The following CELF1 variants were observed in gnomAD, a reference collection of about 807,000 sequenced individuals.
The protein encoded by CELF1 is CUGBP Elav-like family member 1, also known as 50 kDa nuclear polyadenylated RNA-binding protein.
Under a neutral mutation model 61.8 loss-of-function variants are expected in CELF1, and 10 were observed. That is an observed-to-expected ratio of 0.16 (90% CI 0.10 to 0.27). CELF1 has a LOEUF of 0.27. Among genes scored for constraint, CELF1 ranks in the 10% least tolerant of loss-of-function variants. CELF1 has a pLI of 1.00. For synonymous variants in CELF1, 236 were observed against 225.1 expected (o/e 1.05, Z -0.43); for missense variants, 380 against 639.1 (o/e 0.59, Z 4.37).
chr11:47,497,714 T>A (rs978122875), intron 3 of CELF1, among the ~76,000 whole-genome samples: 2 of 152,320 alleles, frequency 1.3e-5, no homozygotes, highest in Middle Eastern at 3.4e-3. Context: ...CAAAAAAACA[T>A]GCTGGACACT....
intron 1 of CELF1, among the ~76,000 whole-genome samples, chr11:47,535,581 G>A (rs139914251): frequency 0.041 from 6,126 of 151,176 alleles, 406 homozygotes; most frequent in African/African-American, 0.14. Flanking sequence ...AGGAGGCTGA[G>A]GCAGGAGAAT....
chr11:47,533,530 G>A (rs1454984781), intron 1 of CELF1, among the ~76,000 whole-genome samples: 1 of 152,172 alleles, frequency 6.6e-6, no homozygotes, highest in Non-Finnish European at 1.5e-5. Flanking sequence ...GCTGAGGCAG[G>A]AGAACTGCTT....
At chr11:47,547,820 T>C (rs112235068) in intron 1 of CELF1, among the ~76,000 whole-genome samples, 3 of 151,630 alleles carry the variant, frequency 2.0e-5, no homozygotes, top group East Asian at 3.9e-4. Context: ...ATATCTAGAA[T>C]AAGAAAATTC....
At chr11:47,532,894 T>C (rs1470948573) in intron 1 of CELF1, among the ~76,000 whole-genome samples, 1 of 152,204 alleles carries the variant, frequency 6.6e-6, no homozygotes, top group Non-Finnish European at 1.5e-5. Context: ...TTCTTTTCTA[T>C]TTCTGGCTCA....
At chr11:47,528,577 C>T (rs2096346380) in intron 1 of CELF1, among the ~76,000 whole-genome samples, 1 of 151,872 alleles carries the variant, frequency 6.6e-6, no homozygotes, top group South Asian at 2.1e-4. Context: ...TATGATTGTG[C>T]CACTGCACTC....
chr11:47,558,510 AAAT>A (rs201565536), intron 2 of CELF1, among the ~76,000 whole-genome samples: 2,010 of 124,810 alleles, frequency 0.016, 20 homozygotes, highest in Non-Finnish European at 0.024. Flanking sequence ...TATATTATAT[AAAT>A]AATATATGTA....
Position 47,466,095 on chromosome 11 carries a change from T to G in CELF1, c.*6135A>C, listed in dbSNP as rs1193882344. 6.6e-6 allele frequency: 1 copy of G among 152,236 alleles called. No homozygotes were observed. Among genetic ancestry groups the G allele is most frequent in the African/African-American group, 2.4e-5 (1 of 41,460 alleles). The allele number at this position is 152,236 out of a possible 1,614,324, so 9.4% of individuals were successfully genotyped here. A position where few individuals can be genotyped will look rare whatever the true frequency, so the allele number is the denominator to read the frequency against. ...CACAAAAAAAGGAAGGAGATTCCTTTGAAACACATACTCCCTTGCTCCAAA... is the reference window on the plus strand; with the variant it reads ...CACAAAAAAAGGAAGGAGATTCCTTGGAAACACATACTCCCTTGCTCCAAA... On this transcript the variant is annotated 3_prime_UTR_variant, in exon 15 of 15. Transcript: ENST00000687097.
chr11:47,535,146 T>C (rs1292750172), intron 1 of CELF1, among the ~76,000 whole-genome samples: 1 of 152,156 alleles, frequency 6.6e-6, no homozygotes, highest in African/African-American at 2.4e-5. Context: ...TCAGCTACCC[T>C]ACGCCTGATC....
rs111309612 is a variant in CELF1 at position 47,526,792 on chromosome 11, G to A, written c.-153-25860C>T. Among the ~76,000 whole-genome samples the A allele has an allele frequency of 2.2e-4, 34 of 152,272 alleles. 1 individual carries two copies. The highest frequency in any genetic ancestry group is 7.0e-4 in the African/African-American group (29 of 41,564). ...CAGTCATCAAAAGGAGTTCCAGGCC[G>A]GGCAGTGGTGGCTCGTGCCTGCAAT... is the stretch of plus-strand genomic sequence containing the variant. On this transcript the variant is annotated intron_variant, in intron 1 of 14. Coordinates refer to ENST00000687097, the MANE Select transcript of CELF1 (RefSeq NM_001376376.1).
chr11:47,561,137 C>CAAA (rs34223231), intron 2 of CELF1, among the ~76,000 whole-genome samples: 18 of 105,972 alleles, frequency 1.7e-4, no homozygotes, highest in Admixed American at 4.3e-4. Flanking sequence ...GACTCTGTCT[C>CAAA]AAAAAAAAAA....
At chr11:47,525,028 T>G (rs1402115587) in intron 1 of CELF1, among the ~76,000 whole-genome samples, 1 of 152,194 alleles carries the variant, frequency 6.6e-6, no homozygotes, top group Non-Finnish European at 1.5e-5. Context: ...TAGGTCAGAT[T>G]CTTCCCAGAT....
intron 3 of CELF1, among the ~76,000 whole-genome samples, chr11:47,494,858 T>C (rs1019081615): frequency 1.3e-5 from 2 of 152,266 alleles, no homozygotes; most frequent in Non-Finnish European, 2.9e-5. Context: ...AGTTCTTCAG[T>C]TGCACTTGCC....
At chr11:47,530,921 C>T (rs2096451322) in intron 1 of CELF1, among the ~76,000 whole-genome samples, 1 of 152,040 alleles carries the variant, frequency 6.6e-6, no homozygotes, top group Non-Finnish European at 1.5e-5. Context: ...TGCCATTGCA[C>T]TCCAAGCCTG....
chr11:47,561,437 C>T (rs1434330699), intron 2 of CELF1, among the ~76,000 whole-genome samples: 1 of 84,164 alleles, frequency 1.2e-5, no homozygotes, highest in Non-Finnish European at 2.2e-5. Context: ...AACGAGACTC[C>T]GTCTCAAAAA....
chr11:47,559,312 G>A (rs186489775), intron 2 of CELF1, among the ~76,000 whole-genome samples: 5 of 150,120 alleles, frequency 3.3e-5, no homozygotes, highest in East Asian at 3.9e-4. Context: ...TGATCTGCCC[G>A]CCTCAGGCTT....
intron 1 of CELF1, 47 bp downstream of exon 1, chr11:47,552,945 C>T (rs1159362486): frequency 2.0e-5 from 8 of 396,708 alleles, no homozygotes; most frequent in African/African-American, 1.0e-4. Flanking sequence ...GCCTTTTTTC[C>T]CCTCCCTCCC....
chr11:47,555,862 TG>T (rs1230640696), upstream of CELF1, among the ~76,000 whole-genome samples: 2 of 152,008 alleles, frequency 1.3e-5, no homozygotes, highest in East Asian at 3.9e-4. Flanking sequence ...TAGCCAGGCA[TG>T]ATGGCGGGTG....
At chr11:47,557,385 A>AT (rs2097208677), upstream of CELF1, 1 of 147,028 alleles carries the variant, frequency 6.8e-6, no homozygotes, top group Non-Finnish European at 1.5e-5. Context: ...CATCCGGCTA[A>AT]TTTTTTGTAT....
chr11:47,480,794 G>C (rs144067698), intron 9 of CELF1, among the ~76,000 whole-genome samples: 1 of 152,256 alleles, frequency 6.6e-6, no homozygotes, highest in Non-Finnish European at 1.5e-5. Flanking sequence ...CAGAACTTTG[G>C]GAGGGCAAGG....
Sources: gnomAD v4.1 joint callset for allele counts (sites outside exome capture counted in the v4.1 genomes callset) on GRCh38, gnomAD v4.1.1 for gene constraint, MANE v1.5 for transcripts, NCBI Gene and HGNC (gene_info 2026-07-23, HGNC 2026-07-21) for gene names.